The following IQSEC1 variants were observed in gnomAD, a reference collection of about 807,000 sequenced individuals.
The protein encoded by IQSEC1 is IQ motif and SEC7 domain-containing protein 1.
In IQSEC1, 31 loss-of-function variants were observed where a neutral mutation model predicts 91.0. That is an observed-to-expected ratio of 0.34 (90% CI 0.26 to 0.46). The LOEUF is 0.46. Among genes scored for constraint, IQSEC1 ranks in the 20% least tolerant of loss-of-function variants. The pLI, the probability that IQSEC1 is intolerant of heterozygous loss-of-function variation, is 1.00. For missense variants in IQSEC1, 1,388 were observed against 1,575.6 expected (o/e 0.88, Z 2.02); for synonymous variants, 699 against 662.6 (o/e 1.05, Z -0.84).
chr3:12,975,301 G>A (rs1363876123), intron 1 of IQSEC1, among the ~76,000 whole-genome samples: 5 of 152,196 alleles, frequency 3.3e-5, no homozygotes, highest in South Asian at 2.1e-4. Flanking sequence ...CATGGCTTAC[G>A]GAGGCTCCAT....
intron 2 of IQSEC1, among the ~76,000 whole-genome samples, chr3:13,121,500 G>A (rs982740446): frequency 2.0e-5 from 3 of 152,174 alleles, no homozygotes; most frequent in Admixed American, 6.5e-5. Flanking sequence ...CCCTGTGCTC[G>A]GCATGGAGTT....
rs369599841 is a variant in IQSEC1, at chr3:13,163,159, C to T, written c.302+945G>A. 1.4e-4 allele frequency among the ~76,000 whole-genome samples: 21 copies of T among 152,256 alleles called. 2 individuals carry two copies. The highest frequency in any genetic ancestry group is 7.2e-4 in the Admixed American group (11 of 15,298). On this transcript the variant is annotated intron_variant, in intron 2 of 15. Transcript: ENST00000648114. ...TGCCCCAAGTATAAGATTCAGCACC[C>T]CCTGTGCTGCCACCCAAGAGGCTCC...
chr3:13,094,677 T>A (rs758037054), intron 2 of IQSEC1, among the ~76,000 whole-genome samples: 6 of 151,724 alleles, frequency 4.0e-5, no homozygotes, highest in Non-Finnish European at 7.4e-5. Context: ...AAATCAGGAG[T>A]ATGGCCTGTT....
chr3:13,219,687 T>C (rs1158925079), intron 1 of IQSEC1, among the ~76,000 whole-genome samples: 3 of 152,216 alleles, frequency 2.0e-5, no homozygotes, highest in Non-Finnish European at 4.4e-5. Context: ...GCTGGGGCAG[T>C]GGCGCCAGTG....
chr3:13,111,501 C>T (rs1198548619), intron 2 of IQSEC1, among the ~76,000 whole-genome samples: 6 of 152,216 alleles, frequency 3.9e-5, no homozygotes, highest in African/African-American at 1.4e-4. Context: ...AAACTTCCCA[C>T]TGCGGGTAAG....
intron 1 of IQSEC1, among the ~76,000 whole-genome samples, chr3:13,255,675 G>A (rs541711874): frequency 2.0e-5 from 3 of 152,098 alleles, no homozygotes; most frequent in East Asian, 1.9e-4. Flanking sequence ...GAAGAGCAGC[G>A]GAGGGATCAT....
At chr3:13,206,613 T>C (rs1020044905) in intron 1 of IQSEC1, among the ~76,000 whole-genome samples, 1 of 152,178 alleles carries the variant, frequency 6.6e-6, no homozygotes, top group African/African-American at 2.4e-5. Flanking sequence ...TTGCAAATCA[T>C]TAGCAAAACT....
chr3:13,166,447 G>A (rs1016118001), intron 1 of IQSEC1, among the ~76,000 whole-genome samples: 36 of 152,322 alleles, frequency 2.4e-4, no homozygotes, highest in African/African-American at 8.2e-4. Flanking sequence ...TGGGACGCCA[G>A]GGGACAAGCA....
At chr3:13,053,048 CG>C (rs1236172581) in intron 1 of IQSEC1, 1 of 1,109,970 alleles carries the variant, frequency 9.0e-7, no homozygotes. Context: ...TCCGAATCCA[CG>C]GGGGAATGGG....
rs562549382 is a variant in IQSEC1 at position 13,207,288 on chromosome 3, C to T, written c.273-43155G>A. On this transcript the variant is annotated intron_variant, in intron 1 of 15. Transcript: ENST00000648114. The surrounding 1 kb of genome is among the most constrained non-coding windows in gnomAD (Gnocchi z 4.8). Reference sequence around the variant, plus strand: ...TTCCTCCTGGCTTGTTTCCCTCCCACAACATCCAGCCATGTCGGCAGGTCC... The same window carrying T: ...TTCCTCCTGGCTTGTTTCCCTCCCATAACATCCAGCCATGTCGGCAGGTCC... Among the ~76,000 whole-genome samples, 87 of 152,158 alleles carry T rather than the reference C, an allele frequency of 5.7e-4. No homozygotes were observed. The highest frequency in any genetic ancestry group is 1.0e-3 in the Non-Finnish European group (69 of 68,026).
intron 1 of IQSEC1, among the ~76,000 whole-genome samples, chr3:13,227,546 C>T (rs1162753391): frequency 6.6e-6 from 1 of 152,002 alleles, no homozygotes; most frequent in African/African-American, 2.4e-5. Flanking sequence ...GGGCTGTGCC[C>T]ACTGTGAGGA....
intron 1 of IQSEC1, among the ~76,000 whole-genome samples, chr3:13,238,700 C>T (rs1035745688): frequency 1.3e-5 from 2 of 152,136 alleles, no homozygotes; most frequent in Non-Finnish European, 2.9e-5. Context: ...TGCTCCCTGC[C>T]GTGCCATGCT....
chr3:13,094,697 AC>A (rs1705925089), intron 2 of IQSEC1, among the ~76,000 whole-genome samples: 1 of 152,136 alleles, frequency 6.6e-6, no homozygotes, highest in Admixed American at 6.5e-5. Context: ...TCCTGGCCAT[AC>A]TACTGGACAG....
At chr3:13,069,227 C>T (rs188698625) in intron 1 of IQSEC1, among the ~76,000 whole-genome samples, 43 of 152,262 alleles carry the variant, frequency 2.8e-4, no homozygotes, top group African/African-American at 1.0e-3. Context: ...TGAGTGAAGA[C>T]TGGGCCTCCG....
chr3:13,126,355 C>G (rs1422641500), intron 2 of IQSEC1, among the ~76,000 whole-genome samples: 2 of 152,226 alleles, frequency 1.3e-5, no homozygotes. Context: ...TATCAAAGTT[C>G]ATTTCTTTCT....
At chr3:13,242,968 C>A (rs548001918) in intron 1 of IQSEC1, among the ~76,000 whole-genome samples, 2 of 152,056 alleles carry the variant, frequency 1.3e-5, no homozygotes, top group Non-Finnish European at 2.9e-5. Context: ...CTCTTTAAAT[C>A]CCAGTAGTGA....
At chr3:12,903,170 G>A (rs182120190) in intron 12 of IQSEC1, among the ~76,000 whole-genome samples, 3 of 152,242 alleles carry the variant, frequency 2.0e-5, no homozygotes, top group African/African-American at 7.2e-5. Context: ...CCCAACTTGT[G>A]TGTTCACCCC....
At chr3:12,911,484 G>T (rs1179963649) in intron 10 of IQSEC1, 145 bp downstream of exon 10, 1 of 660,598 alleles carries the variant, frequency 1.5e-6, no homozygotes, top group African/African-American at 1.8e-5. Context: ...ACAGCTCACC[G>T]GAGCTCCTAG....
intron 2 of IQSEC1, among the ~76,000 whole-genome samples, chr3:12,937,899 C>T (rs148950303): frequency 1.9e-4 from 29 of 152,210 alleles, no homozygotes; most frequent in African/African-American, 5.8e-4. Flanking sequence ...CTAGATGGCT[C>T]GTCTGGCCTA....
Sources: gnomAD v4.1 joint callset for allele counts (sites outside exome capture counted in the v4.1 genomes callset) on GRCh38, gnomAD v4.1.1 for gene constraint, Gnocchi (gnomAD v3.1) non-coding constraint, MANE v1.5 for transcripts, NCBI Gene and HGNC (gene_info 2026-07-23, HGNC 2026-07-21) for gene names.